DST: variants seen among roughly 807,000 people sequenced by gnomAD.
DST encodes the protein bullous pemphigoid antigen.
Under a neutral mutation model 875.2 loss-of-function variants are expected in DST, and 253 were observed. The observed-to-expected ratio is 0.29, with a 90% CI of 0.26 to 0.32. The LOEUF (loss-of-function observed/expected upper bound fraction) is 0.32, where lower values mean the gene tolerates loss of function less well. Ranked by LOEUF, DST falls within the 10% of genes least tolerant of loss-of-function variation. DST has a pLI of 1.00. For missense variants in DST, 8,287 were observed against 9,111.6 expected, an observed-to-expected ratio of 0.91 and a Z score of 3.68; for synonymous variants, 3,124 against 3,197.1, an observed-to-expected ratio of 0.98 and a Z score of 0.77.
rs534044028 is a variant in DST, at chr6:56,619,056, C to T, written c.4930-4572G>A. ...TCACACTTTTGCTTAAATTCACTTA[C>T]CAAATTTTGACTTTTCGCCAGGTCT... On this transcript the variant is annotated intron_variant, in intron 36 of 103. Transcript: ENST00000680361. The T allele has an allele frequency of 5.0e-6, 8 of 1,613,988 alleles. No homozygotes were observed. The African/African-American group carries it at 8.0e-5, about 16-fold the overall frequency.
chr6:56,639,377 T>A lies in DST; in HGVS notation c.2860-14A>T. ...TCTCATTAATTCCTTCAAGAAATAA[T>A]TAAGAAGTGTGTTAGAAAAATATAT... is the stretch of plus-strand genomic sequence containing the variant. On this transcript the variant is annotated splice_polypyrimidine_tract_variant and intron_variant, in intron 21 of 103. Transcript: ENST00000680361. 6.2e-7 allele frequency: 1 copy of A among 1,612,776 alleles called. No homozygotes were observed. Among genetic ancestry groups the A allele is most frequent in the Non-Finnish European group, 8.5e-7 (1 of 1,179,192 alleles).
intron 2 of DST, among the ~76,000 whole-genome samples, chr6:56,943,410 C>T (rs1432101680): frequency 1.3e-5 from 2 of 149,608 alleles, no homozygotes; most frequent in African/African-American, 4.9e-5. Context: ...ATATTTTCAA[C>T]TCATTTTCTT....
intron 3 of DST, among the ~76,000 whole-genome samples, chr6:56,877,210 C>T (rs186137190): frequency 3.9e-5 from 6 of 152,326 alleles, no homozygotes; most frequent in Admixed American, 6.5e-5. Context: ...TTCCCCCTTA[C>T]CTGAAGCATT....
intron 4 of DST, among the ~76,000 whole-genome samples, chr6:56,780,021 C>G (rs1334959427): frequency 6.6e-6 from 1 of 151,160 alleles, no homozygotes; most frequent in Non-Finnish European, 1.5e-5. Context: ...TGATGATTTC[C>G]AATTTCATCC....
intron 38 of DST, among the ~76,000 whole-genome samples, chr6:56,610,808 A>G (rs2098538214): frequency 6.6e-6 from 1 of 152,162 alleles, no homozygotes; most frequent in African/African-American, 2.4e-5. Context: ...CTTATTTAAC[A>G]TACAAAATTC....
chr6:56,674,381 T>C (rs1434929673), intron 9 of DST, among the ~76,000 whole-genome samples: 1 of 151,904 alleles, frequency 6.6e-6, no homozygotes, highest in Non-Finnish European at 1.5e-5. Flanking sequence ...CACTGCAACC[T>C]CCACCTCCCG....
intron 2 of DST, among the ~76,000 whole-genome samples, chr6:56,904,956 A>G (rs1200621887): frequency 3.3e-5 from 5 of 152,036 alleles, no homozygotes; most frequent in South Asian, 4.2e-4. Flanking sequence ...TGCCCAGCTA[A>G]TTTTTGTATT....
chr6:56,701,478 T>G (rs1238469586), intron 8 of DST, among the ~76,000 whole-genome samples: 3 of 151,722 alleles, frequency 2.0e-5, no homozygotes, highest in Non-Finnish European at 4.4e-5. Context: ...AAGTATTATA[T>G]AAAGTATTTT....
chr6:56,699,578 T>A, intron 9 of DST, 75 bp downstream of exon 9: 1 of 667,058 alleles, frequency 1.5e-6, no homozygotes, highest in South Asian at 1.9e-5. Context: ...AGAACATGAA[T>A]GCATCATTCA....
At chr6:56,917,583 C>A (rs773621522) in intron 2 of DST, among the ~76,000 whole-genome samples, 1 of 152,200 alleles carries the variant, frequency 6.6e-6, no homozygotes, top group Non-Finnish European at 1.5e-5. Context: ...ATTTTTGTTA[C>A]CTTCTCTTGC....
intron 36 of DST, among the ~76,000 whole-genome samples, chr6:56,622,928 T>C (rs2098703542): frequency 6.6e-6 from 1 of 152,256 alleles, no homozygotes; most frequent in African/African-American, 2.4e-5. Flanking sequence ...AAAATTCTGC[T>C]TTAGACCAAG....
At chr6:56,481,732 A>G (rs2095409194) in intron 90 of DST, among the ~76,000 whole-genome samples, 1 of 152,230 alleles carries the variant, frequency 6.6e-6, no homozygotes. Context: ...CCACATGATA[A>G]CTGCAACAAT....
chr6:56,529,876 G>C, intron 65 of DST, 98 bp downstream of exon 65: 2 of 1,482,928 alleles, frequency 1.3e-6, no homozygotes, highest in Non-Finnish European at 1.8e-6. Context: ...AATGGATTTA[G>C]TTTGCAATTA....
chr6:56,801,747 ATTT>A (rs200681543), intron 4 of DST, among the ~76,000 whole-genome samples: 5 of 132,348 alleles, frequency 3.8e-5, no homozygotes, highest in Non-Finnish European at 6.4e-5. Context: ...TCACACAATA[ATTT>A]TTTTTTTTTT....
At chr6:56,630,784 TC>T (rs1291612433) in intron 30 of DST, among the ~76,000 whole-genome samples, 2 of 144,790 alleles carry the variant, frequency 1.4e-5, no homozygotes, top group Non-Finnish European at 3.0e-5. Flanking sequence ...ATAATGTATT[TC>T]TTTTTTTTTT....
chr6:56,615,719 C>T, intron 36 of DST: 1 of 1,614,118 alleles, frequency 6.2e-7, no homozygotes, highest in Non-Finnish European at 8.5e-7. Flanking sequence ...ATCTATAATA[C>T]CTACTTGGAG....
intron 99 of DST, 75 bp from the exon 100 acceptor site, chr6:56,464,831 T>C (rs2094504032): frequency 8.7e-7 from 1 of 1,144,568 alleles, no homozygotes; most frequent in Non-Finnish European, 1.3e-6. Flanking sequence ...GTACAGTAGT[T>C]GAATATGCAA....
At position 56,931,212 on chromosome 6, in the gene DST, C is replaced by A. The variant is rs539086594; in HGVS notation, c.216+22573G>T. Among the ~76,000 whole-genome samples, 187 of 152,228 alleles carry A rather than the reference C, an allele frequency of 1.2e-3. 6 individuals carry two copies. In the South Asian group the frequency reaches 0.038, roughly 31 times the overall value. On this transcript the variant is annotated intron_variant, in intron 2 of 103. Transcript: ENST00000680361. ...CTGATATGGTTTGGCTCTGTGTCCCCAAAGAGTGCTGTGGCTTCAGAGGGT... is the reference window on the plus strand; with the variant it reads ...CTGATATGGTTTGGCTCTGTGTCCCAAAAGAGTGCTGTGGCTTCAGAGGGT...
intron 4 of DST, among the ~76,000 whole-genome samples, chr6:56,839,752 G>A (rs1041496597): frequency 5.9e-5 from 9 of 152,110 alleles, no homozygotes; most frequent in East Asian, 3.8e-4. Context: ...GGTAATCTTC[G>A]TTCCTTTTGT....
Sources: gnomAD v4.1 joint callset for allele counts (sites outside exome capture counted in the v4.1 genomes callset) on GRCh38, gnomAD v4.1.1 for gene constraint, MANE v1.5 for transcripts, NCBI Gene and HGNC (gene_info 2026-07-23, HGNC 2026-07-21) for gene names.